Variants in ANKRD53 observed in about 807,000 individuals in gnomAD.
ANKRD53 encodes the protein ankyrin repeat domain 53.
In ANKRD53, 27 loss-of-function variants were observed where a neutral mutation model predicts 30.1. The observed-to-expected ratio is 0.90, with a 90% CI of 0.66 to 1.24. ANKRD53 has a LOEUF of 1.24. Ranked by LOEUF, ANKRD53 falls within the 50% of genes most tolerant of loss-of-function variation. ANKRD53 has a pLI of 0.00. For missense variants in ANKRD53, 682 were observed against 721.0 expected, an observed-to-expected ratio of 0.95 and a Z score of 0.62; for synonymous variants, 286 against 295.4, an observed-to-expected ratio of 0.97 and a Z score of 0.33.
At position 70,985,072 on chromosome 2, in the gene ANKRD53, G is replaced by T; in HGVS notation, c.1365G>T (p.Leu455=). ...APVPRLPFEV[L]LRMLYPRVWP... is the part of the protein sequence containing the mutation. The stretch of plus-strand genomic sequence containing the variant: ...TGCCGCGGCTGCCTTTTGAGGTGCT[G>T]CTGCGCATGCTGTACCCACGTGTAT... Residue 455 remains leucine (L), a synonymous_variant, in exon 6 of 6, where the codon CTG becomes CTT. Transcript: ENST00000360589. The T allele has an allele frequency of 6.4e-7, 1 of 1,550,434 alleles. No homozygotes were observed. The highest frequency in any genetic ancestry group is 2.4e-5 in the East Asian group (1 of 40,912).
chr2:70,979,671 C>G lies in ANKRD53; in HGVS notation c.428C>G (p.Ala143Gly), dbSNP rs782282714. Residue 143 changes from alanine to glycine, a missense_variant, in exon 3 of 6, where the codon GCC becomes GGC. By Grantham distance (60) the Ala-to-Gly change is moderately conservative (BLOSUM62 0). Transcript: ENST00000360589. The part of the protein sequence containing the change: ...EIPTDDKGFT[A>G]IHFAAQWGKL... ...CTCTGAACCTCACAGGGCTTCACTGCCATCCACTTCGCCGCCCAATGGGGC... is the reference window on the plus strand; with the variant it reads ...CTCTGAACCTCACAGGGCTTCACTGGCATCCACTTCGCCGCCCAATGGGGC... 1 of 1,613,566 alleles carries G rather than the reference C, an allele frequency of 6.2e-7. No individual in the cohort carries two copies. The highest frequency in any genetic ancestry group is 1.1e-5 in the South Asian group (1 of 90,964).
At position 70,978,795 on chromosome 2, in the gene ANKRD53, C is replaced by T. The variant is rs1553422859; in HGVS notation, c.150C>T (p.Asp50=). The T allele has an allele frequency of 3.2e-6, 5 of 1,570,690 alleles. No homozygotes were observed. In the Admixed American group the frequency reaches 5.7e-5, roughly 18 times the overall value. Residue 50 remains aspartate, a synonymous_variant, in exon 1 of 6, where the codon GAC becomes GAT. Transcript: ENST00000360589. This position sits in a 1 kb window ranked among gnomAD's most constrained non-coding sequence, Gnocchi z 4.3. ...NKVSLKATWT[D]AESKQPSQPL... is the part of the protein sequence containing the mutation. ...TCTCCTTGAAGGCCACCTGGACTGA[C>T]GCGGAGTCCAAGCAGCCCAGGTGGG... is the stretch of plus-strand genomic sequence containing the variant.
chr2:70,978,707 G>A lies in ANKRD53; in HGVS notation c.62G>A (p.Gly21Glu), dbSNP rs1191471072. 9.7e-6 allele frequency: 15 copies of A among 1,548,656 alleles called. No individual in the cohort carries two copies. The highest frequency in any genetic ancestry group is 6.0e-5 in the South Asian group (5 of 83,830). Residue 21 changes from glycine (G) to glutamate (E), a missense_variant, in exon 1 of 6, where the codon GGA becomes GAA. Coordinates refer to ENST00000360589, the MANE Select transcript of ANKRD53 (RefSeq NM_001115116.2). The surrounding 1 kb of genome is among the most constrained non-coding windows in gnomAD (Gnocchi z 4.3). Reference protein sequence around the residue: ...AGSGSWHSERGEGRGARPQPT... With the variant: ...AGSGSWHSEREEGRGARPQPT... ...TCCGGAAGCTGGCACTCAGAAAGGGGAGAAGGGAGAGGTGCTCGGCCGCAG... is the reference window on the plus strand; with the variant it reads ...TCCGGAAGCTGGCACTCAGAAAGGGAAGAAGGGAGAGGTGCTCGGCCGCAG...
rs566561183 is a variant in ANKRD53 at position 70,984,934 on chromosome 2, C to T, written c.1227C>T (p.Gly409=). 3.6e-5 allele frequency: 56 copies of T among 1,550,760 alleles called. No homozygotes were observed. The African/African-American group carries it at 5.2e-4, about 14-fold the overall frequency. ...QISHSQGIRL[G]VHPDPTPEHD... ...GCCACTCGCAGGGCATCCGCCTGGGCGTGCATCCAGACCCCACTCCGGAGC... is the reference window on the plus strand; with the variant it reads ...GCCACTCGCAGGGCATCCGCCTGGGTGTGCATCCAGACCCCACTCCGGAGC... The change falls in exon 6 of 6, where the codon GGC becomes GGT. Residue 409 remains glycine (G), a synonymous_variant. Transcript: ENST00000360589.
chr2:70,984,918 A>C lies in ANKRD53; in HGVS notation c.1211A>C (p.Gln404Pro). 1 of 1,550,890 alleles carries C rather than the reference A, an allele frequency of 6.4e-7. No homozygotes were observed. Among genetic ancestry groups the C allele is most frequent in the East Asian group, 2.4e-5 (1 of 40,892 alleles). Residue 404 changes from glutamine (Q) to proline (P), a missense_variant, in exon 6 of 6, where the codon CAG becomes CCG. By Grantham distance (76) the Gln-to-Pro change is moderately conservative (BLOSUM62 -1). Coordinates refer to ENST00000360589, the MANE Select transcript of ANKRD53 (RefSeq NM_001115116.2). ...CCCACCACCCAGATCAGCCACTCGC[A>C]GGGCATCCGCCTGGGCGTGCATCCA... Reference protein sequence around the residue: ...RPPTTQISHSQGIRLGVHPDP... With the variant: ...RPPTTQISHSPGIRLGVHPDP...
intron 5 of ANKRD53, 49 bp from the exon 6 acceptor site, chr2:70,984,562 C>T: frequency 6.3e-7 from 1 of 1,586,768 alleles, no homozygotes; most frequent in Non-Finnish European, 8.6e-7. Context: ...TGCCCAGAAG[C>T]AGAGGGCAGC....
In ANKRD53 at chr2:70,979,252, A is replaced by G; in HGVS notation, c.326A>G (p.Tyr109Cys). Residue 109 changes from tyrosine to cysteine, a missense_variant, in exon 2 of 6, where the codon TAC (tyrosine) becomes TGC (cysteine). By Grantham distance (194) the Tyr-to-Cys change is radical. Coordinates refer to ENST00000360589, the MANE Select transcript of ANKRD53 (RefSeq NM_001115116.2). ...ATCGACCAGACGGCGATCGGGAGCTACTACCAGCTGTTCGCAGCGGCTGTG... is the reference window on the plus strand; with the variant it reads ...ATCGACCAGACGGCGATCGGGAGCTGCTACCAGCTGTTCGCAGCGGCTGTG... ...TAIDQTAIGSYYQLFAAAVGN... is the reference protein window; with the variant it reads ...TAIDQTAIGSCYQLFAAAVGN... 1 of 1,613,640 alleles carries G rather than the reference A, an allele frequency of 6.2e-7. No homozygotes were observed.
Position 70,983,487 on chromosome 2 carries a change from A to G in ANKRD53, c.903+790A>G, listed in dbSNP as rs1342366864. 2.6e-5 allele frequency among the ~76,000 whole-genome samples: 4 copies of G among 152,228 alleles called. No homozygotes were observed. The East Asian group carries it at 5.8e-4, about 22-fold the overall frequency. On this transcript the variant is annotated intron_variant, in intron 5 of 5. Coordinates refer to ENST00000360589, the MANE Select transcript of ANKRD53 (RefSeq NM_001115116.2). Reference sequence around the variant, plus strand: ...TGTAATTACATAGGGTGCAAAACCCAGAAAACTCAGAAGATACTGGGAATC... The same window carrying G: ...TGTAATTACATAGGGTGCAAAACCCGGAAAACTCAGAAGATACTGGGAATC...
Position 70,982,713 on chromosome 2 carries a change from G to A in ANKRD53, c.903+16G>A, listed in dbSNP as rs781973169. On this transcript the variant is annotated intron_variant, in intron 5 of 5. Coordinates refer to ENST00000360589, the MANE Select transcript of ANKRD53 (RefSeq NM_001115116.2). The surrounding 1 kb of genome is among the most constrained non-coding windows in gnomAD (Gnocchi z 4.2). The stretch of plus-strand genomic sequence containing the variant: ...TGAGTATCAAGTAAGGGGGACAGCA[G>A]GGGGGCCAGGGGACAGCTGCTATCC... 6.2e-7 allele frequency: 1 copy of A among 1,612,266 alleles called. No homozygotes were observed. Among genetic ancestry groups the A allele is most frequent in the South Asian group, 1.1e-5 (1 of 91,002 alleles).
chr2:70,979,034 T>G (rs931189543), intron 1 of ANKRD53, 63 bp from the exon 2 acceptor site: 3 of 1,475,110 alleles, frequency 2.0e-6, no homozygotes, highest in Non-Finnish European at 8.9e-7. Context: ...GGGCCAGGGA[T>G]CGCCTCCCGA....
At position 70,979,213 on chromosome 2, in the gene ANKRD53, CCGACCAGACGGCAAT is replaced by C. The variant is rs782536984; in HGVS notation, c.300_314del (p.Asp102_Ile106del). The C allele has an allele frequency of 4.3e-6, 7 of 1,613,250 alleles. No individual in the cohort carries two copies. In the Admixed American group the frequency reaches 6.7e-5, roughly 15 times the overall value. Reference sequence around the variant, plus strand: ...GCTGACCCCAGCCCCAGCAAGGAGTCCGACCAGACGGCAATCGACCAGACGGCGATCGGGAGCTAC... The same window carrying C: ...GCTGACCCCAGCCCCAGCAAGGAGTCCGACCAGACGGCGATCGGGAGCTAC... On this transcript the variant is annotated inframe_deletion, in exon 2 of 6. Transcript: ENST00000360589.
upstream of ANKRD53, chr2:70,978,595 G>A (rs956173795): frequency 7.0e-7 from 1 of 1,431,256 alleles, no homozygotes; most frequent in Admixed American, 3.2e-5. This position sits in a 1 kb window ranked among gnomAD's most constrained non-coding sequence, Gnocchi z 4.3. Flanking sequence ...GCGGGGCGCC[G>A]GCGGGTGTGT....
Position 70,982,553 on chromosome 2 carries a change from C to A in ANKRD53, c.783-24C>A, listed in dbSNP as rs782491212. The A allele has an allele frequency of 1.2e-6, 2 of 1,612,936 alleles. No individual in the cohort carries two copies. Among genetic ancestry groups the A allele is most frequent in the South Asian group, 1.1e-5 (1 of 90,948 alleles). The stretch of plus-strand genomic sequence containing the variant: ...GAAGCTCTGTCACTGTGGGATGACA[C>A]CCCCGCCCTGACCTTGGCACCAGGT... On this transcript the variant is annotated intron_variant, in intron 4 of 5. Coordinates refer to ENST00000360589, the MANE Select transcript of ANKRD53 (RefSeq NM_001115116.2). This position sits in a 1 kb window ranked among gnomAD's most constrained non-coding sequence, Gnocchi z 4.2.
chr2:70,982,135 C>A lies in ANKRD53; in HGVS notation c.782+35C>A. The A allele has an allele frequency of 1.3e-6, 2 of 1,559,726 alleles. No homozygotes were observed. The highest frequency in any genetic ancestry group is 1.4e-5 in the African/African-American group (1 of 73,648). On this transcript the variant is annotated intron_variant, in intron 4 of 5. Transcript: ENST00000360589. This position sits in a 1 kb window ranked among gnomAD's most constrained non-coding sequence, Gnocchi z 4.2. ...TGAGAACCACCTGGAGCCTGCCCAC[C>A]CCCTTCCCCTCCCCCAGCCTTTTCC... is the stretch of plus-strand genomic sequence containing the variant.
chr2:70,979,839 A>G lies in ANKRD53; in HGVS notation c.596A>G (p.Glu199Gly), dbSNP rs1669953663. The G allele has an allele frequency of 6.2e-7, 1 of 1,614,076 alleles. No individual in the cohort carries two copies. Among genetic ancestry groups the G allele is most frequent in the African/African-American group, 1.3e-5 (1 of 74,928 alleles). The change falls in exon 3 of 6, where the codon GAG (glutamate) becomes GGG (glycine). Residue 199 changes from glutamate (E) to glycine (G), a missense_variant. Coordinates refer to ENST00000360589, the MANE Select transcript of ANKRD53 (RefSeq NM_001115116.2). ...VALPCIYYLL[E>G]KGADLNAQTC... is the part of the protein sequence containing the mutation. Reference sequence around the variant, plus strand: ...CTCCCCTGCATCTACTACCTGCTGGAGAAAGGCGCAGACCTCAATGCGTGA... The same window carrying G: ...CTCCCCTGCATCTACTACCTGCTGGGGAAAGGCGCAGACCTCAATGCGTGA...
In ANKRD53 at chr2:70,985,394, C is replaced by G; in HGVS notation, c.*94C>G. On this transcript the variant is annotated 3_prime_UTR_variant, in exon 6 of 6. Coordinates refer to ENST00000360589, the MANE Select transcript of ANKRD53 (RefSeq NM_001115116.2). ...GGTGGCGAGGAAAGGGGGAGGGGTG[C>G]CTATGGGCTTCCCACTCCCAAGCTC... is the stretch of plus-strand genomic sequence containing the variant. 8.3e-7 allele frequency: 1 copy of G among 1,206,464 alleles called. No individual in the cohort carries two copies. The highest frequency in any genetic ancestry group is 1.2e-6 in the Non-Finnish European group (1 of 868,094). 74.7% of individuals were successfully genotyped at this position (1,206,464 alleles called of 1,614,324 possible).
chr2:70,979,376 G>C, intron 2 of ANKRD53, 33 bp downstream of exon 2: 1 of 1,612,076 alleles, frequency 6.2e-7, no homozygotes, highest in Non-Finnish European at 8.5e-7. Flanking sequence ...AAAGACCGAG[G>C]TCCCTCTCCC....
chr2:70,979,343 G>A lies in ANKRD53; in HGVS notation c.417G>A (p.Lys139=), dbSNP rs1034532675. ...QSLREIPTDD[K]GFTAIHFAAQ... is the part of the protein sequence containing the mutation. ...TCAGGGAAATCCCCACCGACGACAA[G>A]GTAAGGTCTTGAGTGTTGGGGCAAA... Residue 139 remains lysine, a splice_region_variant and synonymous_variant, in exon 2 of 6, where the codon AAG becomes AAA. Coordinates refer to ENST00000360589, the MANE Select transcript of ANKRD53 (RefSeq NM_001115116.2). 3.1e-6 allele frequency: 5 copies of A among 1,613,536 alleles called. No homozygotes were observed. The highest frequency in any genetic ancestry group is 1.3e-5 in the African/African-American group (1 of 75,070).
At chr2:70,979,972 AGGATTG>A in intron 3 of ANKRD53, 112 bp downstream of exon 3, 1 of 1,272,708 alleles carries the variant, frequency 7.9e-7, no homozygotes, top group Non-Finnish European at 1.1e-6. Flanking sequence ...GGAGGTGACA[AGGATTG>A]GGTCCCACAT....
Sources: gnomAD v4.1 joint callset for allele counts (sites outside exome capture counted in the v4.1 genomes callset) on GRCh38, gnomAD v4.1.1 for gene constraint, Gnocchi (gnomAD v3.1) non-coding constraint, MANE v1.5 for transcripts, NCBI Gene and HGNC (gene_info 2026-07-23, HGNC 2026-07-21) for gene names.